Variants in WWOX observed in about 807,000 individuals in gnomAD.
WWOX encodes the protein WW domain-containing oxidoreductase.
A neutral mutation model predicts 46.2 loss-of-function variants in WWOX; 69 were observed. The ratio of observed to expected loss-of-function variants is 1.49; its 90% CI spans 1.23 to 1.82. The LOEUF (loss-of-function observed/expected upper bound fraction) is 1.82, where lower values mean the gene tolerates loss of function less well. Among genes scored for constraint, WWOX ranks in the 40% most tolerant of loss-of-function variants. The probability of loss-of-function intolerance (pLI) is 0.00; values close to 1 mark genes in which losing one functional copy is unlikely to be tolerated. For synonymous variants in WWOX, 359 were observed against 202.6 expected, an observed-to-expected ratio of 1.77 and a Z score of -6.56; for missense variants, 919 against 542.6, an observed-to-expected ratio of 1.69 and a Z score of -6.89.
At position 78,128,061 on chromosome 16, in the gene WWOX, C is replaced by T. The variant is rs115778232; in HGVS notation, c.409+12907C>T. On this transcript the variant is annotated intron_variant, in intron 4 of 8. Coordinates refer to ENST00000566780, the MANE Select transcript of WWOX (RefSeq NM_016373.4). ...CCAATAGTGTATGAATATAAGGTTG[C>T]TGGCGTTTGGGGAAAAATCATAGTT... Among the ~76,000 whole-genome samples, 173 of 152,210 alleles carry T rather than the reference C, an allele frequency of 1.1e-3. 1 individual carries two copies. Among genetic ancestry groups the T allele is most frequent in the African/African-American group, 3.9e-3 (161 of 41,516 alleles).
chr16:78,434,184 TAGGC>T (rs1322466804), intron 8 of WWOX, among the ~76,000 whole-genome samples: 1 of 151,592 alleles, frequency 6.6e-6, no homozygotes, highest in East Asian at 2.0e-4. Flanking sequence ...AAGTGGTTTT[TAGGC>T]AGAGTAAACA....
At chr16:78,964,932 T>C (rs930557332) in intron 8 of WWOX, among the ~76,000 whole-genome samples, 1 of 152,232 alleles carries the variant, frequency 6.6e-6, no homozygotes, top group African/African-American at 2.4e-5. Flanking sequence ...CTTGGCAGCC[T>C]CCATGTGGTG....
chr16:78,317,144 G>A (rs998329684), intron 5 of WWOX, among the ~76,000 whole-genome samples: 11 of 152,324 alleles, frequency 7.2e-5, no homozygotes, highest in African/African-American at 2.4e-4. Flanking sequence ...GAATGGAGGA[G>A]TAAGGGAAGG....
In WWOX at chr16:79,212,420, T is replaced by C; in HGVS notation, c.*624T>C. On this transcript the variant is annotated 3_prime_UTR_variant, in exon 9 of 9. Transcript: ENST00000566780. ...TACTTGTCATAGACTCCTTTGCTAA[T>C]GCTATGCAAAAAATTCTTTAGAGAT... 1 of 367,326 alleles carries C rather than the reference T, an allele frequency of 2.7e-6. No individual in the cohort carries two copies. The highest frequency in any genetic ancestry group is 6.7e-5 in the South Asian group (1 of 14,858). 22.8% of individuals were successfully genotyped at this position (367,326 alleles called of 1,614,324 possible).
intron 8 of WWOX, among the ~76,000 whole-genome samples, chr16:78,873,742 T>C (rs1457132440): frequency 2.0e-5 from 3 of 152,128 alleles, no homozygotes; most frequent in East Asian, 1.9e-4. Flanking sequence ...AGAGCTGTTA[T>C]TGTACCACTG....
chr16:78,736,112 G>A (rs546533269), intron 8 of WWOX, among the ~76,000 whole-genome samples: 2 of 152,292 alleles, frequency 1.3e-5, no homozygotes, highest in African/African-American at 4.8e-5. Context: ...TGTGTGACAG[G>A]TGAGGAAAAC....
At chr16:78,563,836 A>C (rs1259786693) in intron 8 of WWOX, among the ~76,000 whole-genome samples, 3 of 152,154 alleles carry the variant, frequency 2.0e-5, no homozygotes, top group Admixed American at 2.0e-4. Context: ...TTGCACTGTG[A>C]AATTGTAGAT....
chr16:78,895,660 G>A (rs2044685213), intron 8 of WWOX: 1 of 152,132 alleles, frequency 6.6e-6, no homozygotes, highest in Non-Finnish European at 1.5e-5. Flanking sequence ...AACTATCATT[G>A]GTGTTTTCCT....
chr16:78,733,520 G>T (rs2049013397), intron 8 of WWOX, among the ~76,000 whole-genome samples: 1 of 151,646 alleles, frequency 6.6e-6, no homozygotes, highest in African/African-American at 2.4e-5. Context: ...GGACGAGGTG[G>T]GCGGATCACG....
chr16:78,726,430 C>A (rs1402915618), intron 8 of WWOX, among the ~76,000 whole-genome samples: 2 of 151,932 alleles, frequency 1.3e-5, no homozygotes, highest in African/African-American at 4.8e-5. Flanking sequence ...GGGGAGGTCT[C>A]CCTGTGTTGG....
At chr16:79,023,852 A>T (rs147686532) in intron 8 of WWOX, among the ~76,000 whole-genome samples, 4,471 of 152,002 alleles carry the variant, frequency 0.029, 228 homozygotes, top group African/African-American at 0.1. Flanking sequence ...GCTACTCGGG[A>T]GGCTGAGGCA....
chr16:78,556,479 G>A (rs939438737), intron 8 of WWOX, among the ~76,000 whole-genome samples: 4 of 152,114 alleles, frequency 2.6e-5, no homozygotes, highest in African/African-American at 9.7e-5. Context: ...TATCTGAGAT[G>A]ATTCATTTAT....
chr16:78,882,508 A>G (rs1304545919), intron 8 of WWOX, among the ~76,000 whole-genome samples: 5 of 148,138 alleles, frequency 3.4e-5, no homozygotes, highest in Admixed American at 1.4e-4. Flanking sequence ...ATGGGGTCTC[A>G]CTCTGTCACC....
intron 8 of WWOX, among the ~76,000 whole-genome samples, chr16:78,954,399 G>C: frequency 6.6e-6 from 1 of 152,172 alleles, no homozygotes; most frequent in Non-Finnish European, 1.5e-5. Flanking sequence ...CAGATGAATG[G>C]ATGCATGGAT....
chr16:78,987,675 C>T (rs1223056945), intron 8 of WWOX, among the ~76,000 whole-genome samples: 2 of 152,134 alleles, frequency 1.3e-5, no homozygotes, highest in Non-Finnish European at 2.9e-5. Flanking sequence ...CTGTACAGGG[C>T]CCTCCATGTT....
At chr16:79,179,417 C>A (rs1001419080) in intron 8 of WWOX, among the ~76,000 whole-genome samples, 1 of 152,194 alleles carries the variant, frequency 6.6e-6, no homozygotes, top group Admixed American at 6.5e-5. Context: ...AATGCCTGAC[C>A]AACTAATGGA....
At chr16:78,862,603 G>T (rs924901481) in intron 8 of WWOX, among the ~76,000 whole-genome samples, 1 of 152,224 alleles carries the variant, frequency 6.6e-6, no homozygotes, top group African/African-American at 2.4e-5. Flanking sequence ...CAATGGTACA[G>T]TTCATGTCTG....
chr16:78,971,334 A>C (rs1352455854), intron 8 of WWOX, among the ~76,000 whole-genome samples: 2 of 151,784 alleles, frequency 1.3e-5, no homozygotes, highest in African/African-American at 4.8e-5. Flanking sequence ...AGGCACTTGT[A>C]ATCCCAGCTA....
At chr16:79,155,070 C>G (rs1294818038) in intron 8 of WWOX, among the ~76,000 whole-genome samples, 1 of 152,212 alleles carries the variant, frequency 6.6e-6, no homozygotes, top group African/African-American at 2.4e-5. Context: ...ACAGCAGGCA[C>G]TGGCAAGCTT....
Sources: allele counts gnomAD v4.1 joint callset (sites outside exome capture counted in the v4.1 genomes callset), GRCh38; gene constraint gnomAD v4.1.1; transcripts MANE v1.5; gene names NCBI Gene and HGNC (gene_info 2026-07-23, HGNC 2026-07-21).